Variants in BCAP29 observed in about 807,000 individuals in gnomAD.
The protein encoded by BCAP29 is B-cell receptor-associated protein 29.
A neutral mutation model predicts 31.8 loss-of-function variants in BCAP29; 34 were observed. The observed-to-expected ratio is 1.07, with a 90% CI of 0.81 to 1.42. BCAP29 has a LOEUF of 1.42. BCAP29 is among the 40% of genes most tolerant of loss of function. BCAP29 has a pLI of 0.00. For missense variants in BCAP29, 314 were observed against 269.2 expected (o/e 1.17, Z -1.16); for synonymous variants, 104 against 91.3 (o/e 1.14, Z -0.79).
Position 107,601,688 on chromosome 7 carries a change from A to G in BCAP29, c.589+1183A>G, listed in dbSNP as rs369536536. On this transcript the variant is annotated intron_variant, in intron 6 of 7. Transcript: ENST00000005259. Reference sequence around the variant, plus strand: ...ATTTAATAGTTACCTACCGTTTACAACAGACATTTCAGAAGAGAAACTAGT... The same window carrying G: ...ATTTAATAGTTACCTACCGTTTACAGCAGACATTTCAGAAGAGAAACTAGT... Among the ~76,000 whole-genome samples, 57 of 152,346 alleles carry G rather than the reference A, an allele frequency of 3.7e-4. 1 individual carries two copies. Among genetic ancestry groups the G allele is most frequent in the African/African-American group, 1.3e-3 (53 of 41,588 alleles).
intron 2 of BCAP29, among the ~76,000 whole-genome samples, chr7:107,582,867 A>G (rs1423867249): frequency 6.6e-6 from 1 of 152,162 alleles, no homozygotes; most frequent in Non-Finnish European, 1.5e-5. Context: ...AAAATTTTAT[A>G]TTGCATAATT....
In BCAP29 at chr7:107,619,616, G is replaced by GTTTT. The variant is rs1386162119; in HGVS notation, c.*1254_*1255insTTTT. The GTTTT allele has an allele frequency of 1.3e-5, 2 of 152,122 alleles. No individual in the cohort carries two copies. The highest frequency in any genetic ancestry group is 2.9e-5 in the Non-Finnish European group (2 of 68,010). The allele number at this position is 152,122 out of a possible 1,614,324, so 9.4% of individuals were successfully genotyped here. A position where few individuals can be genotyped will look rare whatever the true frequency, so the allele number is the denominator to read the frequency against. ...GGAGTTACTGCTAAAAAACAGACAT[G>GTTTT]TAGGAGACATTCAACAGGAGTATGA... is the stretch of plus-strand genomic sequence containing the variant. On this transcript the variant is annotated 3_prime_UTR_variant, in exon 8 of 8. Coordinates refer to ENST00000005259, the MANE Select transcript of BCAP29 (RefSeq NM_018844.4).
chr7:107,618,247 A>G, intron 7 of BCAP29, 81 bp from the exon 8 acceptor site: 1 of 986,378 alleles, frequency 1.0e-6, no homozygotes, highest in Non-Finnish European at 1.5e-6. Context: ...AGAAGAGAGA[A>G]TGTTTTTTAA....
intron 3 of BCAP29, among the ~76,000 whole-genome samples, chr7:107,584,916 T>C (rs1281075992): frequency 7.9e-5 from 12 of 152,222 alleles, no homozygotes; most frequent in Admixed American, 7.9e-4. Context: ...CCCATTTGTT[T>C]ACATAATGTC....
At chr7:107,599,209 A>AT (rs1810516550) in intron 5 of BCAP29, among the ~76,000 whole-genome samples, 4 of 18,940 alleles carry the variant, frequency 2.1e-4, no homozygotes, top group South Asian at 2.3e-3. Context: ...ACATATTTAT[A>AT]AATATATATA....
chr7:107,584,774 TATA>T (rs1194607774), intron 3 of BCAP29, among the ~76,000 whole-genome samples: 1 of 152,158 alleles, frequency 6.6e-6, no homozygotes, highest in Non-Finnish European at 1.5e-5. Context: ...GGAGTGATTG[TATA>T]ATATTAGGGA....
chr7:107,613,784 A>G (rs766691813), intron 7 of BCAP29: 3 of 1,422,670 alleles, frequency 2.1e-6, no homozygotes, highest in South Asian at 1.2e-5. Flanking sequence ...AATGAGGCCA[A>G]AATTTCAAGT....
chr7:107,595,284 G>C (rs894076665), intron 4 of BCAP29, among the ~76,000 whole-genome samples: 1 of 152,120 alleles, frequency 6.6e-6, no homozygotes, highest in African/African-American at 2.4e-5. Context: ...TTTAACTTTT[G>C]CTTCCACAAC....
intron 6 of BCAP29, 83 bp from the exon 7 acceptor site, chr7:107,613,249 G>C: frequency 2.2e-6 from 2 of 914,710 alleles, no homozygotes; most frequent in Non-Finnish European, 3.4e-6. Flanking sequence ...GACTATACAG[G>C]AGTTCTCTAT....
chr7:107,610,995 T>G (rs931451258), intron 6 of BCAP29, among the ~76,000 whole-genome samples: 2 of 152,172 alleles, frequency 1.3e-5, no homozygotes, highest in East Asian at 3.9e-4. Context: ...CTAAGAAGTC[T>G]GAGATCAAGG....
At chr7:107,623,137 C>G (rs188232319), downstream of BCAP29, 2 of 152,116 alleles carry the variant, frequency 1.3e-5, no homozygotes, top group African/African-American at 4.8e-5. Flanking sequence ...GTGTCCCTGA[C>G]GCCATAAGCA....
intron 6 of BCAP29, among the ~76,000 whole-genome samples, chr7:107,611,646 T>C (rs1484916852): frequency 7.2e-5 from 11 of 152,210 alleles, no homozygotes. Flanking sequence ...CGTATAACTC[T>C]TTATGTTGTG....
At chr7:107,594,782 G>A (rs963265788) in intron 4 of BCAP29, among the ~76,000 whole-genome samples, 1 of 152,158 alleles carries the variant, frequency 6.6e-6, no homozygotes, top group African/African-American at 2.4e-5. Flanking sequence ...GATTACAGAT[G>A]TGAGCCAACG....
chr7:107,589,810 A>G (rs7777697), intron 3 of BCAP29, among the ~76,000 whole-genome samples: 2,712 of 152,256 alleles, frequency 0.018, 71 homozygotes, highest in African/African-American at 0.061. Flanking sequence ...CATATAGAGT[A>G]TGGGGGTTTT....
intron 6 of BCAP29, among the ~76,000 whole-genome samples, chr7:107,602,137 G>C (rs1012708505): frequency 6.6e-6 from 1 of 152,188 alleles, no homozygotes; most frequent in East Asian, 1.9e-4. Context: ...TTGAAGTATA[G>C]ACTGCAGAGC....
upstream of BCAP29, chr7:107,580,110 G>C (rs947529447): frequency 6.6e-6 from 1 of 152,246 alleles, no homozygotes; most frequent in African/African-American, 2.4e-5. Context: ...CCGCCAATTA[G>C]AAAACAACTG....
chr7:107,583,891 G>T lies in BCAP29; in HGVS notation c.102G>T (p.Lys34Asn). The T allele has an allele frequency of 6.4e-7, 1 of 1,558,150 alleles. No individual in the cohort carries two copies. The highest frequency in any genetic ancestry group is 1.2e-5 in the South Asian group (1 of 81,502). The change falls in exon 3 of 8, where the codon AAG becomes AAT. Residue 34 changes from lysine (K) to asparagine (N), a missense_variant. Transcript: ENST00000005259. ...LPFIPPQRWQ[K>N]IFSFNVWGKI... ...TTGTATTGCTTTACAGATGGCAGAAGATTTTTTCATTTAATGTCTGGGGTA... is the reference window on the plus strand; with the variant it reads ...TTGTATTGCTTTACAGATGGCAGAATATTTTTTCATTTAATGTCTGGGGTA...
chr7:107,600,276 A>G, intron 5 of BCAP29, 121 bp from the exon 6 acceptor site: 2 of 702,416 alleles, frequency 2.8e-6, no homozygotes, highest in Middle Eastern at 2.4e-4. Context: ...AAAATTCTGA[A>G]AAGGACAAAG....
chr7:107,597,501 A>T (rs1810075636), intron 5 of BCAP29, among the ~76,000 whole-genome samples: 1 of 152,226 alleles, frequency 6.6e-6, no homozygotes. Context: ...AATGGGCCTC[A>T]AAGTTCCTTA....
Sources: gnomAD v4.1 joint callset for allele counts (sites outside exome capture counted in the v4.1 genomes callset) on GRCh38, gnomAD v4.1.1 for gene constraint, MANE v1.5 for transcripts, NCBI Gene and HGNC (gene_info 2026-07-23, HGNC 2026-07-21) for gene names.